SPATA13: variants seen among roughly 807,000 people sequenced by gnomAD.
The protein encoded by SPATA13 is spermatogenesis-associated protein 13.
A neutral mutation model predicts 104.0 loss-of-function variants in SPATA13; 50 were observed. The ratio of observed to expected loss-of-function variants is 0.48; its 90% CI spans 0.38 to 0.61. The LOEUF is 0.61. Among genes scored for constraint, SPATA13 ranks in the 20% least tolerant of loss-of-function variants. SPATA13 has a pLI of 0.00. For missense variants in SPATA13, 1,524 were observed against 1,690.6 expected (o/e 0.90, Z 1.73); for synonymous variants, 606 against 667.5 (o/e 0.91, Z 1.42).
intron 3 of SPATA13, among the ~76,000 whole-genome samples, chr13:24,076,569 C>T (rs1009793617): frequency 2.6e-5 from 4 of 151,936 alleles, no homozygotes; most frequent in Admixed American, 6.6e-5. Flanking sequence ...AAGCAGCAGA[C>T]CCCGGGACAG....
At chr13:24,129,159 G>C (rs1256618904) in intron 3 of SPATA13, among the ~76,000 whole-genome samples, 3 of 152,226 alleles carry the variant, frequency 2.0e-5, no homozygotes, top group African/African-American at 7.2e-5. Flanking sequence ...CAGGTGGTGT[G>C]GGCTGAAAAA....
At chr13:24,189,992 TAACA>T (rs1869514529) in intron 1 of SPATA13, among the ~76,000 whole-genome samples, 1 of 19,450 alleles carries the variant, frequency 5.1e-5, no homozygotes, top group African/African-American at 9.1e-5. Flanking sequence ...AATAATTATA[TAACA>T]TATAATAATA....
intron 3 of SPATA13, among the ~76,000 whole-genome samples, chr13:24,121,174 A>G (rs1566111293): frequency 6.6e-6 from 1 of 152,180 alleles, no homozygotes; most frequent in South Asian, 2.1e-4. Flanking sequence ...CTGGTATTCA[A>G]ATACCCACTT....
intron 3 of SPATA13, among the ~76,000 whole-genome samples, chr13:24,110,109 G>C (rs113789750): frequency 6.6e-6 from 1 of 151,048 alleles, no homozygotes; most frequent in African/African-American, 2.4e-5. Context: ...CATCACTCCA[G>C]CTATAGGGTA....
chr13:24,301,418 C>A (rs893735469), intron 12 of SPATA13, among the ~76,000 whole-genome samples: 1 of 152,348 alleles, frequency 6.6e-6, no homozygotes, highest in Admixed American at 6.5e-5. Context: ...TTACAAATAT[C>A]TTTAAGGCAG....
intron 3 of SPATA13, among the ~76,000 whole-genome samples, chr13:24,147,078 A>G (rs773066597): frequency 1.3e-5 from 2 of 152,190 alleles, no homozygotes; most frequent in African/African-American, 2.4e-5. Context: ...AACTCCAAGC[A>G]TGCATTGGAT....
rs189661247 is a variant in SPATA13 at position 24,088,249 on chromosome 13, G to A, written c.-112+70548G>A. ...GGATGCCCACAGTGTTTGAGGTAGGGATTGTTTGCATTCTACAGATGAGCA... is the reference window on the plus strand; with the variant it reads ...GGATGCCCACAGTGTTTGAGGTAGGAATTGTTTGCATTCTACAGATGAGCA... On this transcript the variant is annotated intron_variant, in intron 3 of 14. Transcript: ENST00000424834. The surrounding 1 kb of genome is among the most constrained non-coding windows in gnomAD (Gnocchi z 4.3). Among the ~76,000 whole-genome samples, 219 of 152,308 alleles carry A rather than the reference G, an allele frequency of 1.4e-3. 1 individual carries two copies. The highest frequency in any genetic ancestry group is 0.01 in the Middle Eastern group (3 of 294).
chr13:24,111,388 T>C (rs1485435915), intron 3 of SPATA13, among the ~76,000 whole-genome samples: 1 of 152,130 alleles, frequency 6.6e-6, no homozygotes, highest in Non-Finnish European at 1.5e-5. Flanking sequence ...GGGACTTTGA[T>C]TGCATCCTCT....
intron 2 of SPATA13, among the ~76,000 whole-genome samples, chr13:24,000,976 C>T (rs1326959575): frequency 1.3e-5 from 2 of 152,102 alleles, no homozygotes; most frequent in African/African-American, 4.8e-5. Context: ...TAACATAGCA[C>T]CACTGTTTTT....
chr13:23,999,391 C>CAAAAAAAAAAAA (rs1875847626), intron 2 of SPATA13, among the ~76,000 whole-genome samples: 2 of 41,146 alleles, frequency 4.9e-5, no homozygotes, highest in African/African-American at 7.9e-5. Context: ...AAAAAAAAAG[C>CAAAAAAAAAAAA]CTGTTCGGAT....
At chr13:24,289,675 G>A (rs368860812) in intron 8 of SPATA13, among the ~76,000 whole-genome samples, 1 of 152,176 alleles carries the variant, frequency 6.6e-6, no homozygotes, top group African/African-American at 2.4e-5. Context: ...GCAGACCCGG[G>A]CATGCGGCTC....
chr13:24,206,470 T>G (rs1052630872), intron 1 of SPATA13, among the ~76,000 whole-genome samples: 8 of 152,170 alleles, frequency 5.3e-5, no homozygotes, highest in African/African-American at 1.9e-4. Context: ...GGTGGGAGTA[T>G]AAATTAGTTC....
At chr13:24,251,328 T>TGTCCTGGCTTCCTCTG (rs1365175856) in intron 3 of SPATA13, among the ~76,000 whole-genome samples, 1 of 152,200 alleles carries the variant, frequency 6.6e-6, no homozygotes, top group African/African-American at 2.4e-5. Context: ...TTTGTGGCCT[T>TGTCCTGGCTTCCTCTG]GTCCTGGCTT....
intron 3 of SPATA13, among the ~76,000 whole-genome samples, chr13:24,118,650 C>G (rs1292723007): frequency 1.3e-5 from 2 of 152,112 alleles, no homozygotes; most frequent in African/African-American, 4.8e-5. Context: ...CCTGGTGATG[C>G]TGGTGCAGTA....
intron 1 of SPATA13, among the ~76,000 whole-genome samples, chr13:24,182,679 G>A (rs1223995846): frequency 1.3e-5 from 2 of 152,188 alleles, no homozygotes; most frequent in East Asian, 3.8e-4. Flanking sequence ...ACATTTCAAT[G>A]TGAGATTTGG....
chr13:24,186,258 AG>A (rs1869144149), intron 1 of SPATA13, among the ~76,000 whole-genome samples: 1 of 152,212 alleles, frequency 6.6e-6, no homozygotes, highest in Non-Finnish European at 1.5e-5. Flanking sequence ...TACATGATGT[AG>A]GGTTAATTGC....
chr13:23,987,253 G>A (rs1358565762), intron 2 of SPATA13, among the ~76,000 whole-genome samples: 1 of 152,052 alleles, frequency 6.6e-6, no homozygotes, highest in Admixed American at 6.6e-5. Context: ...AGCTAATGTG[G>A]TATTTCAGAA....
chr13:24,057,594 G>T (rs577827058), intron 3 of SPATA13, among the ~76,000 whole-genome samples: 1 of 146,586 alleles, frequency 6.8e-6, no homozygotes, highest in African/African-American at 2.4e-5. Flanking sequence ...CCTTGTTGGG[G>T]CATAAACTCT....
chr13:24,004,810 AG>A (rs1233129488), intron 2 of SPATA13, among the ~76,000 whole-genome samples: 2 of 152,208 alleles, frequency 1.3e-5, no homozygotes, highest in East Asian at 1.9e-4. Context: ...AAGATGCAAA[AG>A]GATACTCAGC....
Sources: allele counts gnomAD v4.1 joint callset (sites outside exome capture counted in the v4.1 genomes callset), GRCh38; gene constraint gnomAD v4.1.1; non-coding constraint Gnocchi (gnomAD v3.1); transcripts MANE v1.5; gene names NCBI Gene and HGNC (gene_info 2026-07-23, HGNC 2026-07-21).